The following GSE1 variants were observed in gnomAD, a reference collection of about 807,000 sequenced individuals.
GSE1 encodes the protein genetic suppressor element 1.
GSE1 carries 32 observed loss-of-function variants against 112.6 expected under a neutral mutation model. The ratio of observed to expected loss-of-function variants is 0.28; its 90% CI spans 0.21 to 0.38. GSE1 has a LOEUF of 0.38. Among genes scored for constraint, GSE1 ranks in the 10% least tolerant of loss-of-function variants. The pLI is 1.00. For synonymous variants in GSE1, 1,115 were observed against 735.6 expected (o/e 1.52, Z -8.35); for missense variants, 2,348 against 1,699.2 (o/e 1.38, Z -6.71).
At chr16:85,480,908 G>A (rs916822583) in intron 2 of GSE1, among the ~76,000 whole-genome samples, 3 of 152,232 alleles carry the variant, frequency 2.0e-5, no homozygotes, top group Admixed American at 1.3e-4. Flanking sequence ...TCCACGCTGA[G>A]CAAGCACCGG....
intron 1 of GSE1, among the ~76,000 whole-genome samples, chr16:85,617,218 C>G (rs572796843): frequency 6.6e-6 from 1 of 152,230 alleles, no homozygotes; most frequent in African/African-American, 2.4e-5. Context: ...CACCCCGTGT[C>G]TGGAATCAGA....
chr16:85,635,240 G>A (rs1450539580), intron 2 of GSE1, among the ~76,000 whole-genome samples: 3 of 152,112 alleles, frequency 2.0e-5, no homozygotes, highest in South Asian at 2.1e-4. Flanking sequence ...GACATTGATG[G>A]ATGGGGGGTA....
At chr16:85,250,059 C>T (rs1014266387) in intron 1 of GSE1, among the ~76,000 whole-genome samples, 2 of 152,246 alleles carry the variant, frequency 1.3e-5, no homozygotes, top group South Asian at 2.1e-4. Flanking sequence ...CGCCTGGCTC[C>T]TGCTGCAGCT....
intron 2 of GSE1, among the ~76,000 whole-genome samples, chr16:85,517,849 AACG>A (rs2052004897): frequency 6.6e-6 from 1 of 152,248 alleles, no homozygotes; most frequent in East Asian, 1.9e-4. Context: ...CGCCGTGAAG[AACG>A]ACAAGCGGAG....
At chr16:85,260,071 C>T (rs1288713971) in intron 1 of GSE1, among the ~76,000 whole-genome samples, 1 of 152,148 alleles carries the variant, frequency 6.6e-6, no homozygotes, top group Non-Finnish European at 1.5e-5. Context: ...GCTGGTGTCC[C>T]CGTGTGAGCC....
rs148358057 is a variant in GSE1 at position 85,372,951 on chromosome 16, C to G, written c.2464+15308C>G. ...GAGTCACAGAGCTGGGTTGCAAAGCCAGGCCATGTGGCACAGAGCTTTCAT... is the reference window on the plus strand; with the variant it reads ...GAGTCACAGAGCTGGGTTGCAAAGCGAGGCCATGTGGCACAGAGCTTTCAT... On this transcript the variant is annotated intron_variant, in intron 2 of 2. Coordinates refer to the GSE1 transcript ENST00000637419. Among the ~76,000 whole-genome samples the G allele has an allele frequency of 4.0e-3, 614 of 152,350 alleles. 4 individuals carry two copies. Among genetic ancestry groups the G allele is most frequent in the Middle Eastern group, 0.017 (5 of 294 alleles).
Position 85,369,784 on chromosome 16 carries a change from G to A in GSE1, c.2464+12141G>A, listed in dbSNP as rs139491688. On this transcript the variant is annotated intron_variant, in intron 2 of 2. Transcript: ENST00000637419. ...GCTGAGCTGGCTGAGCCTGAGGGGC[G>A]TGGTGTCCATGCTCACAATTAGTCA... Among the ~76,000 whole-genome samples the A allele has an allele frequency of 6.0e-3, 916 of 152,342 alleles. 3 individuals carry two copies. Among genetic ancestry groups the A allele is most frequent in the Middle Eastern group, 0.01 (3 of 294 alleles).
intron 2 of GSE1, among the ~76,000 whole-genome samples, chr16:85,367,825 G>A (rs1173435903): frequency 6.8e-6 from 1 of 147,122 alleles, no homozygotes; most frequent in Non-Finnish European, 1.5e-5. Context: ...GAGGGCAAAT[G>A]TAAAGAGGAA....
chr16:85,666,091 G>A lies in GSE1; in HGVS notation c.2874G>A (p.Gln958=), dbSNP rs2052833234. Residue 958 remains glutamine, a synonymous_variant, in exon 13 of 16, where the codon CAG becomes CAA. Coordinates refer to ENST00000253458, the MANE Select transcript of GSE1 (RefSeq NM_014615.5). Reference sequence around the variant, plus strand: ...GGAAGCTGGAACAGGTCCGGCCCCAGGAGCTGTCGAGAGTCCAGGAGCTAG... The same window carrying A: ...GGAAGCTGGAACAGGTCCGGCCCCAAGAGCTGTCGAGAGTCCAGGAGCTAG... ...EPGKLEQVRP[Q]ELSRVQELAP... The A allele has an allele frequency of 1.2e-6, 2 of 1,613,164 alleles. No individual in the cohort carries two copies. The highest frequency in any genetic ancestry group is 1.7e-6 in the Non-Finnish European group (2 of 1,179,982).
chr16:85,294,211 C>T (rs1490013880), intron 1 of GSE1, among the ~76,000 whole-genome samples: 1 of 152,170 alleles, frequency 6.6e-6, no homozygotes, highest in Non-Finnish European at 1.5e-5. Flanking sequence ...CAGAGCAGCC[C>T]ACTCTTGAAA....
chr16:85,426,077 A>ATGGAAG (rs1567477111), intron 2 of GSE1, among the ~76,000 whole-genome samples: 1 of 18,998 alleles, frequency 5.3e-5, no homozygotes. Context: ...ATGGATGGGT[A>ATGGAAG]GATGGATGGG....
chr16:85,407,292 A>C (rs561436704), intron 2 of GSE1, among the ~76,000 whole-genome samples: 1,517 of 7,778 alleles, frequency 0.2, 4 homozygotes, highest in Non-Finnish European at 0.26. Flanking sequence ...CCTCACTGTT[A>C]CACTCAGGCC....
chr16:85,610,559 C>G (rs2047923026), upstream of GSE1, among the ~76,000 whole-genome samples: 2 of 152,216 alleles, frequency 1.3e-5, no homozygotes, highest in African/African-American at 4.8e-5. Context: ...GGCCGTGCTC[C>G]GGATTACTAA....
At chr16:85,552,995 A>C (rs2044999917), upstream of GSE1, among the ~76,000 whole-genome samples, 1 of 152,258 alleles carries the variant, frequency 6.6e-6, no homozygotes, top group South Asian at 2.1e-4. Context: ...ATTAAAAACC[A>C]ATATAAGAAT....
intron 1 of GSE1, among the ~76,000 whole-genome samples, chr16:85,230,802 T>C (rs982455330): frequency 5.3e-5 from 8 of 152,156 alleles, no homozygotes; most frequent in Admixed American, 4.6e-4. Flanking sequence ...AATGGAAAAG[T>C]TCCTTACTAC....
intron 1 of GSE1, among the ~76,000 whole-genome samples, chr16:85,201,232 C>T (rs138799157): frequency 6.6e-6 from 1 of 152,066 alleles, no homozygotes; most frequent in Non-Finnish European, 1.5e-5. Flanking sequence ...GCCACCACAC[C>T]CAGCTATTTT....
At chr16:85,622,731 G>T (rs1013257458) in intron 1 of GSE1, among the ~76,000 whole-genome samples, 3 of 152,174 alleles carry the variant, frequency 2.0e-5, no homozygotes, top group African/African-American at 7.2e-5. Flanking sequence ...GACCTACCTT[G>T]GGGTTGACAC....
At chr16:85,318,649 G>T (rs565945028) in intron 1 of GSE1, among the ~76,000 whole-genome samples, 1 of 152,318 alleles carries the variant, frequency 6.6e-6, no homozygotes, top group Admixed American at 6.5e-5. Flanking sequence ...TGGTTGTGGG[G>T]CACACGTAGA....
intron 1 of GSE1, among the ~76,000 whole-genome samples, chr16:85,259,076 C>A (rs574561688): frequency 6.6e-6 from 1 of 152,154 alleles, no homozygotes; most frequent in Non-Finnish European, 1.5e-5. Flanking sequence ...GGGGCCTTGA[C>A]CTCTGCCCGG....
Sources: gnomAD v4.1 joint callset for allele counts (sites outside exome capture counted in the v4.1 genomes callset) on GRCh38, gnomAD v4.1.1 for gene constraint, MANE v1.5 for transcripts, NCBI Gene and HGNC (gene_info 2026-07-23, HGNC 2026-07-21) for gene names.